The following CAPG variants were observed in gnomAD, a reference collection of about 807,000 sequenced individuals.
The protein encoded by CAPG is macrophage-capping protein.
Under a neutral mutation model 44.6 loss-of-function variants are expected in CAPG, and 32 were observed. The observed-to-expected ratio is 0.72, with a 90% CI of 0.54 to 0.96. CAPG has a LOEUF of 0.96. Ranked by LOEUF, CAPG falls within the 50% of genes least tolerant of loss-of-function variation. The pLI, the probability that CAPG is intolerant of heterozygous loss-of-function variation, is 0.00. For synonymous variants in CAPG, 175 were observed against 179.6 expected (o/e 0.97, Z 0.20); for missense variants, 412 against 438.3 (o/e 0.94, Z 0.54).
chr2:85,411,135 C>T (rs915968213), upstream of CAPG, among the ~76,000 whole-genome samples: 13 of 152,184 alleles, frequency 8.5e-5, no homozygotes, highest in Non-Finnish European at 1.3e-4. Flanking sequence ...GGATTACAGG[C>T]GTGGGCTACT....
upstream of CAPG, among the ~76,000 whole-genome samples, chr2:85,411,803 G>T (rs988792266): frequency 6.6e-6 from 1 of 152,094 alleles, no homozygotes; most frequent in Non-Finnish European, 1.5e-5. Context: ...GGCTGTCTCC[G>T]GTAATCCCAG....
upstream of CAPG, among the ~76,000 whole-genome samples, chr2:85,411,010 A>G (rs561228693): frequency 5.3e-5 from 8 of 151,898 alleles, no homozygotes; most frequent in African/African-American, 1.4e-4. Flanking sequence ...ACAGGCCTGC[A>G]CCAACATGCC....
chr2:85,398,134 G>A lies in CAPG; in HGVS notation c.778C>T (p.Gln260Ter), dbSNP rs1419402722. Reference sequence around the variant, plus strand: ...TCAGCCACCTTGGTCAGGTTCATCTGTCCAGTGGCATCAGAGACCTGGGGA... The same window carrying A: ...TCAGCCACCTTGGTCAGGTTCATCTATCCAGTGGCATCAGAGACCTGGGGA... ...ALYKVSDATG[Q>*]MNLTKVADSS... is the part of the protein sequence containing the mutation. Residue 260 changes from glutamine (Q) to a stop codon, truncating the protein, a stop_gained, in exon 8 of 10, where the codon CAG (glutamine) becomes TAG (stop). Transcript: ENST00000263867. LOFTEE classifies it high-confidence loss of function. 4.3e-6 allele frequency: 7 copies of A among 1,613,724 alleles called. No homozygotes were observed. In the Admixed American group the frequency reaches 1.2e-4, roughly 27 times the overall value.
upstream of CAPG, among the ~76,000 whole-genome samples, chr2:85,411,547 G>T (rs1397991278): frequency 6.6e-6 from 1 of 152,210 alleles, no homozygotes; most frequent in Non-Finnish European, 1.5e-5. Flanking sequence ...GAGAAAGTGA[G>T]CACCCAGTTA....
chr2:85,399,664 A>AT (rs1267506272), intron 5 of CAPG, among the ~76,000 whole-genome samples: 2 of 151,094 alleles, frequency 1.3e-5, no homozygotes, highest in African/African-American at 4.9e-5. Flanking sequence ...TAATTTCTTA[A>AT]TTTTTTGTAG....
At chr2:85,400,956 C>A (rs1364100571) in intron 5 of CAPG, among the ~76,000 whole-genome samples, 1 of 152,166 alleles carries the variant, frequency 6.6e-6, no homozygotes, top group Non-Finnish European at 1.5e-5. Flanking sequence ...GGAAAAAGCT[C>A]CAGAGCATCA....
At chr2:85,417,644 G>A (rs1433731733) in intron 1 of CAPG, among the ~76,000 whole-genome samples, 2 of 151,916 alleles carry the variant, frequency 1.3e-5, no homozygotes, top group Admixed American at 1.3e-4. Context: ...CACCACGCCC[G>A]GGTAATTTTT....
In CAPG at chr2:85,399,819, G is replaced by A. The variant is rs866783236; in HGVS notation, c.517-534C>T. On this transcript the variant is annotated intron_variant, in intron 5 of 9. Coordinates refer to ENST00000263867, the MANE Select transcript of CAPG (RefSeq NM_001747.4). Reference sequence around the variant, plus strand: ...TGCAATGGTACAATCTCAGCTCACCGCAACCTCCACCTCCTGGGTTCAAGA... The same window carrying A: ...TGCAATGGTACAATCTCAGCTCACCACAACCTCCACCTCCTGGGTTCAAGA... Among the ~76,000 whole-genome samples the A allele has an allele frequency of 8.3e-5, 12 of 144,804 alleles. No homozygotes were observed. The South Asian group carries it at 8.8e-4, about 11-fold the overall frequency. 95.0% of individuals were successfully genotyped at this position (144,804 alleles called of 152,430 possible).
chr2:85,398,721 T>C lies in CAPG; in HGVS notation c.728A>G (p.Lys243Arg), dbSNP rs752776071. Residue 243 changes from lysine (K) to arginine (R), a missense_variant, in exon 7 of 10, where the codon AAG becomes AGG. Coordinates refer to ENST00000263867, the MANE Select transcript of CAPG (RefSeq NM_001747.4). ...GNPEEDLTADKANAQAAALYK... is the reference protein window; with the variant it reads ...GNPEEDLTADRANAQAAALYK... ...CAGAGCTGCGGCCTGGGCATTTGCC[T>C]TGTCAGCTGTGAGGTCTTCCTCAGG... 5 of 1,606,844 alleles carry C rather than the reference T, an allele frequency of 3.1e-6. No individual in the cohort carries two copies. Among genetic ancestry groups the C allele is most frequent in the Non-Finnish European group, 3.4e-6 (4 of 1,176,890 alleles).
At chr2:85,402,340 C>T (rs1214598125) in intron 1 of CAPG, among the ~76,000 whole-genome samples, 182 bp from the exon 2 acceptor site, 1 of 152,168 alleles carries the variant, frequency 6.6e-6, no homozygotes, top group Non-Finnish European at 1.5e-5. Flanking sequence ...TCCAAGGCCA[C>T]ACAGCTAGTG....
chr2:85,397,559 C>T (rs759044517), intron 8 of CAPG, among the ~76,000 whole-genome samples: 4 of 151,626 alleles, frequency 2.6e-5, no homozygotes, highest in Admixed American at 2.0e-4. Context: ...AAAAATTAGC[C>T]AGGTGTGGTG....
rs1686502867 is a variant in CAPG, at chr2:85,394,763, G to A, written c.*130C>T. ...GCCCAGGGCAGGTGGTGCAGGAAAA[G>A]AGCTGGGAAAGCACTTGTCTCCTTT... On this transcript the variant is annotated 3_prime_UTR_variant, in exon 10 of 10. Coordinates refer to ENST00000263867, the MANE Select transcript of CAPG (RefSeq NM_001747.4). 1.3e-6 allele frequency: 1 copy of A among 745,332 alleles called. No homozygotes were observed. Among genetic ancestry groups the A allele is most frequent in the African/African-American group, 1.7e-5 (1 of 58,070 alleles). 46.2% of individuals were successfully genotyped at this position (745,332 alleles called of 1,614,324 possible).
At chr2:85,400,124 T>C (rs574519507) in intron 5 of CAPG, among the ~76,000 whole-genome samples, 1 of 152,320 alleles carries the variant, frequency 6.6e-6, no homozygotes, top group South Asian at 2.1e-4. Flanking sequence ...AAAGTGAGCT[T>C]CATTAGGACA....
At chr2:85,417,590 C>A (rs1046459305) in intron 1 of CAPG, among the ~76,000 whole-genome samples, 1 of 149,214 alleles carries the variant, frequency 6.7e-6, no homozygotes, top group Non-Finnish European at 1.5e-5. Context: ...TCAAGCAATT[C>A]TCCTGCCTCA....
At chr2:85,402,553 G>T (rs536059304) in intron 1 of CAPG, among the ~76,000 whole-genome samples, 1 of 151,902 alleles carries the variant, frequency 6.6e-6, no homozygotes, top group Admixed American at 6.6e-5. Flanking sequence ...TGCAACCTCC[G>T]CCTCCCGGGT....
chr2:85,401,603 C>G lies in CAPG; in HGVS notation c.277G>C (p.Val93Leu), dbSNP rs755099333. The G allele has an allele frequency of 6.2e-7, 1 of 1,614,160 alleles. No individual in the cohort carries two copies. Among genetic ancestry groups the G allele is most frequent in the South Asian group, 1.1e-5 (1 of 91,084 alleles). ...TTGCCCTGCACCTCGCGGTGCTGCA[C>G]AGGCCGCTCTCCCAGCAGCGTGTTG... is the stretch of plus-strand genomic sequence containing the variant. ...HLNTLLGERP[V>L]QHREVQGNES... The change falls in exon 4 of 10, where the codon GTG becomes CTG. Residue 93 changes from valine to leucine, a missense_variant. Physicochemically the swap from Val to Leu is conservative, Grantham distance 32. Coordinates refer to ENST00000263867, the MANE Select transcript of CAPG (RefSeq NM_001747.4).
intron 8 of CAPG, among the ~76,000 whole-genome samples, chr2:85,396,756 G>A (rs1205376737): frequency 2.0e-5 from 3 of 152,058 alleles, no homozygotes; most frequent in African/African-American, 7.3e-5. Context: ...CACGCCTCTC[G>A]CTTTCCACTC....
intron 1 of CAPG, among the ~76,000 whole-genome samples, 184 bp downstream of exon 1, chr2:85,410,133 C>T (rs1687355018): frequency 6.6e-6 from 1 of 152,240 alleles, no homozygotes; most frequent in Non-Finnish European, 1.5e-5. Context: ...ATAAGGCTGG[C>T]AGGACAGCAG....
chr2:85,397,573 C>T (rs1275600685), intron 8 of CAPG, among the ~76,000 whole-genome samples: 1 of 151,880 alleles, frequency 6.6e-6, no homozygotes, highest in African/African-American at 2.4e-5. Context: ...TGTGGTGGCA[C>T]GCACCTGTAC....
Sources: allele counts gnomAD v4.1 joint callset (sites outside exome capture counted in the v4.1 genomes callset), GRCh38; gene constraint gnomAD v4.1.1; transcripts MANE v1.5; gene names NCBI Gene and HGNC (gene_info 2026-07-23, HGNC 2026-07-21).